HADHB: variants seen among roughly 807,000 people sequenced by gnomAD.
The protein encoded by HADHB is hydroxyacyl-CoA dehydrogenase trifunctional multienzyme complex subunit beta.
HADHB carries 50 observed loss-of-function variants against 61.9 expected under a neutral mutation model. The ratio of observed to expected loss-of-function variants is 0.81; its 90% confidence interval spans 0.64 to 1.02. HADHB has a LOEUF of 1.02. Ranked by LOEUF, HADHB falls within the 50% of genes least tolerant of loss-of-function variation. The probability of loss-of-function intolerance (pLI) is 0.00; values close to 1 mark genes in which losing one functional copy is unlikely to be tolerated. For missense variants in HADHB, 504 were observed against 586.5 expected (o/e 0.86, Z 1.45); for synonymous variants, 191 against 201.6 (o/e 0.95, Z 0.45).
At chr2:26,269,161 A>C (rs1276815211) in intron 4 of HADHB, among the ~76,000 whole-genome samples, 9 of 151,848 alleles carry the variant, frequency 5.9e-5, no homozygotes, top group South Asian at 2.1e-4. Context: ...AAAAAAAAAA[A>C]AAAACAGCAG....
chr2:26,271,184 T>C (rs1324325832), intron 5 of HADHB, among the ~76,000 whole-genome samples: 2 of 146,938 alleles, frequency 1.4e-5, no homozygotes, highest in East Asian at 2.2e-4. Flanking sequence ...TGTGAGCCAC[T>C]GCGCCCGGCC....
intron 5 of HADHB, among the ~76,000 whole-genome samples, chr2:26,272,900 A>G (rs1672402744): frequency 6.6e-6 from 1 of 151,956 alleles, no homozygotes; most frequent in South Asian, 2.1e-4. Flanking sequence ...CCTGGCTAAC[A>G]TGGTGAACCC....
Position 26,254,237 on chromosome 2 carries a change from C to A in HADHB, c.-8-10C>A. On this transcript the variant is annotated splice_polypyrimidine_tract_variant and intron_variant, in intron 1 of 15. Coordinates refer to ENST00000317799, the MANE Select transcript of HADHB (RefSeq NM_000183.3). ...TAATCCAGGATATACTTTTGTTCTT[C>A]TCTTTTTAGATTCCAGAATGACTAT... 1 of 1,173,390 alleles carries A rather than the reference C, an allele frequency of 8.5e-7. No individual in the cohort carries two copies. The highest frequency in any genetic ancestry group is 1.2e-6 in the Non-Finnish European group (1 of 801,192). The allele number at this position is 1,173,390 out of a possible 1,614,324, so 72.7% of individuals were successfully genotyped here.
chr2:26,247,162 T>TC (rs1163744067), intron 1 of HADHB, among the ~76,000 whole-genome samples: 3 of 152,196 alleles, frequency 2.0e-5, no homozygotes, highest in African/African-American at 7.2e-5. Context: ...TTTCCCTTGC[T>TC]CCCAGGTGCC....
At chr2:26,260,935 T>C in intron 3 of HADHB, 2 of 919,880 alleles carry the variant, frequency 2.2e-6, no homozygotes, top group Non-Finnish European at 3.4e-6. Context: ...ATGGCATCTT[T>C]TTAGCTTCAA....
chr2:26,245,260 G>A (rs568003141), intron 1 of HADHB: 329 of 170,032 alleles, frequency 1.9e-3, no homozygotes, highest in Non-Finnish European at 3.1e-3. Flanking sequence ...CTGGGGGTGT[G>A]GGGGTGTGTG....
At chr2:26,255,947 G>A (rs1487165589) in intron 3 of HADHB, among the ~76,000 whole-genome samples, 1 of 152,180 alleles carries the variant, frequency 6.6e-6, no homozygotes, top group Non-Finnish European at 1.5e-5. Flanking sequence ...CACACAAATA[G>A]ACCTGATCCT....
intron 4 of HADHB, among the ~76,000 whole-genome samples, chr2:26,268,041 C>T (rs1672170564): frequency 6.6e-6 from 1 of 152,014 alleles, no homozygotes; most frequent in Non-Finnish European, 1.5e-5. Flanking sequence ...ACAAGGGAGG[C>T]CGAAGTGGGA....
intron 3 of HADHB, among the ~76,000 whole-genome samples, chr2:26,257,147 G>A (rs899300767): frequency 3.2e-4 from 45 of 139,620 alleles, no homozygotes; most frequent in African/African-American, 1.1e-3. Context: ...TTGAGACAGA[G>A]TCTCGTGCTG....
intron 4 of HADHB, among the ~76,000 whole-genome samples, chr2:26,268,043 G>A (rs953215182): frequency 6.6e-5 from 10 of 152,238 alleles, no homozygotes; most frequent in Middle Eastern, 3.4e-3. Context: ...AAGGGAGGCC[G>A]AAGTGGGAAG....
chr2:26,255,683 C>A (rs1671580330), intron 3 of HADHB, among the ~76,000 whole-genome samples: 1 of 152,056 alleles, frequency 6.6e-6, no homozygotes, highest in South Asian at 2.1e-4. Flanking sequence ...GTCTTGTCAG[C>A]CTCATATAGT....
At chr2:26,251,082 T>C (rs1671380884) in intron 1 of HADHB, among the ~76,000 whole-genome samples, 1 of 142,078 alleles carries the variant, frequency 7.0e-6, no homozygotes, top group Admixed American at 7.1e-5. Flanking sequence ...AATTCTTACA[T>C]ACATGGGTCT....
chr2:26,260,797 A>G (rs1291553951), intron 3 of HADHB: 8 of 568,198 alleles, frequency 1.4e-5, no homozygotes, highest in Middle Eastern at 4.7e-4. Context: ...CACACACCAC[A>G]TGGTATGTCC....
At chr2:26,248,087 A>G (rs1671235889) in intron 1 of HADHB, among the ~76,000 whole-genome samples, 1 of 152,200 alleles carries the variant, frequency 6.6e-6, no homozygotes, top group Non-Finnish European at 1.5e-5. Context: ...TGGTTGTTGT[A>G]GTAGGGTTTA....
intron 9 of HADHB, 98 bp downstream of exon 9, chr2:26,279,413 T>C (rs1005637581): frequency 1.1e-5 from 10 of 876,106 alleles, no homozygotes; most frequent in African/African-American, 3.3e-5. Flanking sequence ...ATGTTGGTTC[T>C]GTTTCCAAAG....
intron 4 of HADHB, among the ~76,000 whole-genome samples, chr2:26,264,818 C>G (rs1672008214): frequency 6.6e-6 from 1 of 151,582 alleles, no homozygotes; most frequent in African/African-American, 2.4e-5. Flanking sequence ...ATGGCAAAAC[C>G]CTGTCTCTAC....
chr2:26,254,032 T>G (rs1323919981), intron 1 of HADHB, among the ~76,000 whole-genome samples: 1 of 152,124 alleles, frequency 6.6e-6, no homozygotes, highest in Non-Finnish European at 1.5e-5. Context: ...ATTGTGAAGA[T>G]TAGATGGTTA....
chr2:26,274,524 C>T (rs1672466816), intron 6 of HADHB, among the ~76,000 whole-genome samples: 1 of 152,166 alleles, frequency 6.6e-6, no homozygotes, highest in South Asian at 2.1e-4. Flanking sequence ...TCTGTTCCAC[C>T]TCTGTACCTG....
intron 14 of HADHB, 140 bp downstream of exon 14, chr2:26,285,097 C>T: frequency 1.6e-6 from 1 of 633,074 alleles, no homozygotes; most frequent in South Asian, 1.9e-5. Flanking sequence ...ATATTTATTT[C>T]TTAGTGTAAA....
Sources: allele counts gnomAD v4.1 joint callset (sites outside exome capture counted in the v4.1 genomes callset), GRCh38; gene constraint gnomAD v4.1.1; transcripts MANE v1.5; gene names NCBI Gene and HGNC (gene_info 2026-07-23, HGNC 2026-07-21).